The following CACNA2D3 variants were observed in gnomAD, a reference collection of about 807,000 sequenced individuals.
CACNA2D3 encodes the protein calcium voltage-gated channel auxiliary subunit alpha2delta 3.
Under a neutral mutation model 160.6 loss-of-function variants are expected in CACNA2D3, and 60 were observed. That is an observed-to-expected ratio of 0.37 (90% CI 0.30 to 0.46). The LOEUF (loss-of-function observed/expected upper bound fraction) is 0.46. CACNA2D3 is among the 20% of genes least tolerant of loss of function. The pLI is 1.00. For missense variants in CACNA2D3, 1,205 were observed against 1,365.0 expected, an observed-to-expected ratio of 0.88 and a Z score of 1.85; for synonymous variants, 558 against 492.9, an observed-to-expected ratio of 1.13 and a Z score of -1.75.
chr3:54,215,401 A>G (rs928077629), intron 2 of CACNA2D3, among the ~76,000 whole-genome samples: 10 of 152,340 alleles, frequency 6.6e-5, no homozygotes, highest in African/African-American at 2.4e-4. Flanking sequence ...ATTATTAACT[A>G]TAGCAGCTAT....
intron 13 of CACNA2D3, among the ~76,000 whole-genome samples, chr3:54,795,120 A>T (rs1025689203): frequency 6.6e-6 from 1 of 151,544 alleles, no homozygotes; most frequent in African/African-American, 2.4e-5. Context: ...TATTGTTTCT[A>T]TTGCTGTGTC....
At chr3:54,731,479 T>G (rs929371062) in intron 11 of CACNA2D3, among the ~76,000 whole-genome samples, 2 of 152,160 alleles carry the variant, frequency 1.3e-5, no homozygotes, top group Non-Finnish European at 2.9e-5. Flanking sequence ...GAAAACAAAA[T>G]GTAAGCATGC....
At chr3:54,519,738 G>A (rs1275450886) in intron 5 of CACNA2D3, among the ~76,000 whole-genome samples, 1 of 152,208 alleles carries the variant, frequency 6.6e-6, no homozygotes, top group African/African-American at 2.4e-5. Context: ...GGCCAACTTA[G>A]CAGGAATTGT....
At chr3:55,062,793 A>T (rs1378325310) in intron 35 of CACNA2D3, among the ~76,000 whole-genome samples, 1 of 152,090 alleles carries the variant, frequency 6.6e-6, no homozygotes, top group Non-Finnish European at 1.5e-5. Flanking sequence ...CTCTTATTGG[A>T]TCTCACTTTT....
intron 11 of CACNA2D3, among the ~76,000 whole-genome samples, chr3:54,732,174 T>C (rs1003287979): frequency 3.3e-5 from 5 of 152,256 alleles, no homozygotes; most frequent in African/African-American, 7.2e-5. Context: ...GAGCCTGATA[T>C]ATTTGATGAC....
intron 14 of CACNA2D3, among the ~76,000 whole-genome samples, chr3:54,822,440 G>A (rs928068229): frequency 1.3e-5 from 2 of 152,182 alleles, no homozygotes; most frequent in Admixed American, 6.5e-5. Flanking sequence ...TTCTGTATGA[G>A]TGTGTCTGTG....
chr3:55,036,472 T>C (rs1703818264), intron 35 of CACNA2D3, among the ~76,000 whole-genome samples: 1 of 151,938 alleles, frequency 6.6e-6, no homozygotes, highest in African/African-American at 2.4e-5. Context: ...TTATTTTTTA[T>C]TTTTTATTTT....
intron 35 of CACNA2D3, among the ~76,000 whole-genome samples, chr3:55,059,076 T>G (rs1366523331): frequency 6.6e-6 from 1 of 152,240 alleles, no homozygotes; most frequent in Non-Finnish European, 1.5e-5. Context: ...ATGATCACAC[T>G]TTGACTTTGC....
chr3:54,458,409 T>C lies in CACNA2D3; in HGVS notation c.382-45083T>C, dbSNP rs562940818. On this transcript the variant is annotated intron_variant, in intron 4 of 37. Coordinates refer to ENST00000474759, the MANE Select transcript of CACNA2D3 (RefSeq NM_018398.3). ...TGTCTGAGAAAACTTTATTTCTCTT[T>C]CATTTCTGAAATACAGCTTTTGGGT... 5.3e-5 allele frequency among the ~76,000 whole-genome samples: 8 copies of C among 152,220 alleles called. No homozygotes were observed. In the South Asian group the frequency reaches 8.3e-4, roughly 16 times the overall value.
At chr3:54,346,594 T>C (rs1575407861) in intron 3 of CACNA2D3, among the ~76,000 whole-genome samples, 1 of 152,210 alleles carries the variant, frequency 6.6e-6, no homozygotes, top group South Asian at 2.1e-4. Context: ...GAACCCCCAT[T>C]TACCTCCTTC....
intron 27 of CACNA2D3, among the ~76,000 whole-genome samples, chr3:54,920,006 G>C (rs1285654822): frequency 1.3e-5 from 2 of 152,196 alleles, no homozygotes; most frequent in Non-Finnish European, 2.9e-5. Context: ...TGATTGGACA[G>C]AACTGCCCCA....
intron 4 of CACNA2D3, among the ~76,000 whole-genome samples, chr3:54,425,946 G>T (rs1418067151): frequency 6.6e-6 from 1 of 152,246 alleles, no homozygotes; most frequent in Non-Finnish European, 1.5e-5. Context: ...CATCAGGGCA[G>T]TTAAAATCAG....
intron 35 of CACNA2D3, among the ~76,000 whole-genome samples, chr3:55,072,764 GCAATGTGAGAA>G (rs1205265794): frequency 6.6e-6 from 1 of 152,144 alleles, no homozygotes; most frequent in East Asian, 1.9e-4. Flanking sequence ...ACCATGTTGG[GCAATGTGAGAA>G]GGAGGCACTG....
At chr3:54,463,026 C>G (rs1347416073) in intron 4 of CACNA2D3, among the ~76,000 whole-genome samples, 7 of 151,592 alleles carry the variant, frequency 4.6e-5, no homozygotes. Flanking sequence ...ATTTCTCCTT[C>G]ACTTCTGAAG....
intron 2 of CACNA2D3, among the ~76,000 whole-genome samples, chr3:54,209,824 A>C (rs768734692): frequency 7.2e-5 from 11 of 152,166 alleles, no homozygotes; most frequent in Non-Finnish European, 1.2e-4. Context: ...TTGCTGTATA[A>C]ATTTTCTGTG....
chr3:54,279,489 G>T (rs1038436137), intron 2 of CACNA2D3, among the ~76,000 whole-genome samples: 2 of 152,176 alleles, frequency 1.3e-5, no homozygotes, highest in African/African-American at 4.8e-5. Context: ...GCTCTTCCCA[G>T]AGATGACCTT....
At chr3:54,749,536 G>A (rs1039216348) in intron 11 of CACNA2D3, among the ~76,000 whole-genome samples, 5 of 152,104 alleles carry the variant, frequency 3.3e-5, no homozygotes, top group Non-Finnish European at 7.4e-5. Context: ...TAAGATAAAT[G>A]CCTGAGGGTG....
chr3:54,564,509 G>C (rs150756361), intron 6 of CACNA2D3, among the ~76,000 whole-genome samples: 1 of 152,162 alleles, frequency 6.6e-6, no homozygotes, highest in South Asian at 2.1e-4. Context: ...TCTGTGCTTG[G>C]TTCTGAACAC....
At chr3:54,773,624 C>T (rs779451623) in intron 13 of CACNA2D3, among the ~76,000 whole-genome samples, 2 of 152,206 alleles carry the variant, frequency 1.3e-5, no homozygotes, top group Non-Finnish European at 2.9e-5. Flanking sequence ...ATAACTCTGG[C>T]ACAGACTATA....
Sources: gnomAD v4.1 joint callset for allele counts (sites outside exome capture counted in the v4.1 genomes callset) on GRCh38, gnomAD v4.1.1 for gene constraint, MANE v1.5 for transcripts, NCBI Gene and HGNC (gene_info 2026-07-23, HGNC 2026-07-21) for gene names.